Variants in PCDHA4 observed in about 807,000 individuals in gnomAD.
The protein encoded by PCDHA4 is protocadherin alpha 4.
PCDHA4 carries 49 observed loss-of-function variants against 61.4 expected under a neutral mutation model. The ratio of observed to expected loss-of-function variants is 0.80; its 90% CI spans 0.63 to 1.01. PCDHA4 has a LOEUF of 1.01. Among genes scored for constraint, PCDHA4 ranks in the 50% least tolerant of loss-of-function variants. The pLI is 0.00. For missense variants in PCDHA4, 1,254 were observed against 1,235.8 expected (o/e 1.01, Z -0.22); for synonymous variants, 590 against 550.3 (o/e 1.07, Z -1.01).
rs782195215 is a variant in PCDHA4 at position 140,856,375 on chromosome 5, G to A, written c.2385+46803G>A. The stretch of plus-strand genomic sequence containing the variant: ...GCAGCATCCACCTGGAGGTGATCGT[G>A]GACAGGCCGCTGCAGGTTTTCCATG... On this transcript the variant is annotated intron_variant, in intron 1 of 3. Transcript: ENST00000530339. The A allele has an allele frequency of 1.9e-5, 30 of 1,598,518 alleles. 2 individuals are homozygous for A. The highest frequency in any genetic ancestry group is 2.5e-5 in the Non-Finnish European group (29 of 1,167,968).
Position 140,853,522 on chromosome 5 carries a change from C to T in PCDHA4, c.2385+43950C>T, listed in dbSNP as rs1217727658. Reference sequence around the variant, plus strand: ...TCATGAAACAATAATGAAGCTCCTCCTATGTCTCTTTTCAAGTTGTAATTA... The same window carrying T: ...TCATGAAACAATAATGAAGCTCCTCTTATGTCTCTTTTCAAGTTGTAATTA... On this transcript the variant is annotated intron_variant, in intron 1 of 3. Coordinates refer to ENST00000530339, the MANE Select transcript of PCDHA4 (RefSeq NM_018907.4). 4.1e-6 allele frequency: 4 copies of T among 977,898 alleles called. No homozygotes were observed. In the African/African-American group the frequency reaches 5.3e-5, roughly 13 times the overall value. The allele number at this position is 977,898 out of a possible 1,614,324, so 60.6% of individuals were successfully genotyped here.
intron 1 of PCDHA4, among the ~76,000 whole-genome samples, chr5:140,902,415 G>T (rs887303649): frequency 1.3e-5 from 2 of 152,060 alleles, no homozygotes; most frequent in South Asian, 4.1e-4. Context: ...TTGAATAACA[G>T]TGGTGAAAGT....
rs1554263082 is a variant in PCDHA4 at position 141,010,709 on chromosome 5, TG to T, written c.*773del. 2 of 154,830 alleles carry T rather than the reference TG, an allele frequency of 1.3e-5. No individual in the cohort carries two copies. Among genetic ancestry groups the T allele is most frequent in the African/African-American group, 2.4e-5 (1 of 41,516 alleles). The allele number at this position is 154,830 out of a possible 1,614,324, so 9.6% of individuals were successfully genotyped here. On this transcript the variant is annotated 3_prime_UTR_variant, in exon 4 of 4. Transcript: ENST00000530339. Reference sequence around the variant, plus strand: ...TCTGATGTGTTTCCTATACATGTCCTGTGCTCACTTTATTAAAAATTCTTTT... The same window carrying T: ...TCTGATGTGTTTCCTATACATGTCCTTGCTCACTTTATTAAAAATTCTTTT...
At chr5:140,933,458 C>G (rs1040429377) in intron 1 of PCDHA4, among the ~76,000 whole-genome samples, 2 of 151,968 alleles carry the variant, frequency 1.3e-5, no homozygotes, top group Non-Finnish European at 2.9e-5. Flanking sequence ...TCAAAATATA[C>G]TCTGAATTCA....
chr5:140,874,556 C>CAAAA (rs2054997993), intron 1 of PCDHA4, among the ~76,000 whole-genome samples: 1 of 152,178 alleles, frequency 6.6e-6, no homozygotes, highest in African/African-American at 2.4e-5. Flanking sequence ...AGAGATCTTT[C>CAAAA]GCATTTTAGT....
chr5:140,898,033 GTTGT>G (rs2066486498), intron 1 of PCDHA4, among the ~76,000 whole-genome samples: 1 of 152,032 alleles, frequency 6.6e-6, no homozygotes, highest in South Asian at 2.1e-4. Flanking sequence ...TTTTGATGGG[GTTGT>G]TTGTTTTTTT....
At chr5:141,006,058 G>T (rs1002161598) in intron 3 of PCDHA4, among the ~76,000 whole-genome samples, 2 of 149,786 alleles carry the variant, frequency 1.3e-5, no homozygotes, top group Non-Finnish European at 3.0e-5. Flanking sequence ...GAGTGGAGAA[G>T]AAATAAAAAT....
At chr5:140,986,696 C>G (rs2097209947) in intron 3 of PCDHA4, among the ~76,000 whole-genome samples, 2 of 152,130 alleles carry the variant, frequency 1.3e-5, no homozygotes, top group South Asian at 2.1e-4. Context: ...TCAAAACACA[C>G]AGCACTGCAG....
At chr5:140,876,577 A>G (rs1554168681) in intron 1 of PCDHA4, 2 of 1,614,182 alleles carry the variant, frequency 1.2e-6, no homozygotes, top group Non-Finnish European at 1.7e-6. Context: ...GGGTACCGTC[A>G]TTGCCCTGAT....
At chr5:140,841,595 C>G (rs2150318765) in intron 1 of PCDHA4, 1 of 1,614,060 alleles carries the variant, frequency 6.2e-7, no homozygotes, top group Non-Finnish European at 8.5e-7. Flanking sequence ...TCGGATCGAC[C>G]GCGAGGAGCT....
chr5:140,823,215 C>A (rs916835953), intron 1 of PCDHA4: 12 of 1,613,770 alleles, frequency 7.4e-6, no homozygotes, highest in Non-Finnish European at 1.0e-5. Context: ...CTGCACGGGA[C>A]GCGGACGCGC....
intron 1 of PCDHA4, among the ~76,000 whole-genome samples, chr5:140,902,661 C>T (rs1554190552): frequency 6.6e-6 from 1 of 152,036 alleles, no homozygotes; most frequent in Non-Finnish European, 1.5e-5. Flanking sequence ...CACCTGTCAC[C>T]CAAGCAGTGT....
At chr5:140,861,509 G>A (rs2046952597) in intron 1 of PCDHA4, 1 of 479,912 alleles carries the variant, frequency 2.1e-6, no homozygotes, top group Non-Finnish European at 4.3e-6. Context: ...ACCTCGAGGA[G>A]CTGTGTGGGA....
At chr5:140,866,776 T>A (rs1554160548) in intron 1 of PCDHA4, 1 of 152,168 alleles carries the variant, frequency 6.6e-6, no homozygotes, top group African/African-American at 2.4e-5. Flanking sequence ...AGATTGTATG[T>A]CCTGACTGAT....
rs915171063 is a variant in PCDHA4 at position 140,977,108 on chromosome 5, T to C, written c.2386-1841T>C. On this transcript the variant is annotated intron_variant, in intron 1 of 3. Transcript: ENST00000530339. ...AAATGTGTCATTGGGGAAGTGAGAT[T>C]GTATAATGAACTGAGTTTCCTGGTC... 6.6e-5 allele frequency among the ~76,000 whole-genome samples: 10 copies of C among 152,302 alleles called. No homozygotes were observed. The East Asian group carries it at 1.9e-3, about 29-fold the overall frequency.
chr5:140,823,533 G>C, intron 1 of PCDHA4: 1 of 1,613,766 alleles, frequency 6.2e-7, no homozygotes, highest in Non-Finnish European at 8.5e-7. Context: ...CAGTGGGTGC[G>C]GGCCACGTGG....
intron 1 of PCDHA4, chr5:140,864,139 T>C (rs2048337993): frequency 6.6e-6 from 1 of 152,226 alleles, no homozygotes; most frequent in South Asian, 2.1e-4. Context: ...GGCTGTTTCC[T>C]GTAAATGAGA....
At position 141,010,067 on chromosome 5, in the gene PCDHA4, G is replaced by C; in HGVS notation, c.*130G>C. 6.2e-7 allele frequency: 1 copy of C among 1,604,516 alleles called. No homozygotes were observed. The highest frequency in any genetic ancestry group is 1.1e-5 in the South Asian group (1 of 89,502). ...TAGAGACCTCAGAAATCTGCAGAAA[G>C]TTCCCTGTGTCTGTCTAGAACGCAT... On this transcript the variant is annotated 3_prime_UTR_variant, in exon 4 of 4. Coordinates refer to ENST00000530339, the MANE Select transcript of PCDHA4 (RefSeq NM_018907.4).
intron 1 of PCDHA4, among the ~76,000 whole-genome samples, chr5:140,977,477 A>G (rs919582107): frequency 4.6e-5 from 7 of 152,230 alleles, no homozygotes. Flanking sequence ...AGATAATTTT[A>G]TGCTATGTTA....
Sources: gnomAD v4.1 joint callset for allele counts (sites outside exome capture counted in the v4.1 genomes callset) on GRCh38, gnomAD v4.1.1 for gene constraint, MANE v1.5 for transcripts, NCBI Gene and HGNC (gene_info 2026-07-23, HGNC 2026-07-21) for gene names.